MAP7: variants seen among roughly 807,000 people sequenced by gnomAD.
The protein encoded by MAP7 is ensconsin.
MAP7 carries 52 observed loss-of-function variants against 94.8 expected under a neutral mutation model. The observed-to-expected ratio is 0.55, with a 90% CI of 0.44 to 0.69. The LOEUF (loss-of-function observed/expected upper bound fraction) is 0.69. Ranked by LOEUF, MAP7 falls within the 30% of genes least tolerant of loss-of-function variation. The probability of loss-of-function intolerance (pLI) is 0.00; values close to 1 mark genes in which losing one functional copy is unlikely to be tolerated. For missense variants in MAP7, 940 were observed against 964.6 expected, an observed-to-expected ratio of 0.97 and a Z score of 0.34; for synonymous variants, 350 against 357.0, an observed-to-expected ratio of 0.98 and a Z score of 0.22.
intron 1 of MAP7, among the ~76,000 whole-genome samples, chr6:136,533,882 T>A (rs1261290886): frequency 6.6e-6 from 1 of 152,176 alleles, no homozygotes; most frequent in Admixed American, 6.5e-5. Flanking sequence ...GGATGTCATA[T>A]TTCAACATGA....
intron 1 of MAP7, among the ~76,000 whole-genome samples, chr6:136,450,076 C>G (rs936754010): frequency 1.4e-4 from 21 of 152,286 alleles, no homozygotes; most frequent in African/African-American, 5.1e-4. Context: ...GTAATCCCAG[C>G]TACTCAGAAG....
intron 17 of MAP7, among the ~76,000 whole-genome samples, chr6:136,344,636 C>T (rs1787189555): frequency 6.6e-6 from 1 of 152,164 alleles, no homozygotes; most frequent in South Asian, 2.1e-4. Flanking sequence ...AAATCTGTAA[C>T]ATGAGTAGGA....
At chr6:136,532,606 C>A (rs1828557257) in intron 1 of MAP7, among the ~76,000 whole-genome samples, 1 of 149,764 alleles carries the variant, frequency 6.7e-6, no homozygotes, top group Non-Finnish European at 1.5e-5. Context: ...TGGATTAATG[C>A]ACTGTTTACA....
chr6:136,525,213 A>G (rs997710892), intron 1 of MAP7, among the ~76,000 whole-genome samples: 1 of 152,186 alleles, frequency 6.6e-6, no homozygotes. Context: ...TGTGCATTTC[A>G]ACTGCCATAC....
chr6:136,482,453 T>C (rs1813147656), intron 1 of MAP7, among the ~76,000 whole-genome samples: 1 of 149,786 alleles, frequency 6.7e-6, no homozygotes, highest in African/African-American at 2.5e-5. Context: ...ACAAAAATAT[T>C]AGCTGGGTGT....
At chr6:136,374,517 C>G (rs969602017) in intron 7 of MAP7, among the ~76,000 whole-genome samples, 5 of 152,130 alleles carry the variant, frequency 3.3e-5, no homozygotes, top group Admixed American at 1.3e-4. Context: ...GAAAACAGCT[C>G]TGCTTGGAGG....
intron 3 of MAP7, among the ~76,000 whole-genome samples, chr6:136,396,668 C>G (rs1782586359): frequency 1.3e-5 from 2 of 152,262 alleles, no homozygotes; most frequent in South Asian, 4.1e-4. Flanking sequence ...GGAACTACTT[C>G]CTGATTCATT....
chr6:136,535,902 C>A (rs77726494), intron 1 of MAP7, among the ~76,000 whole-genome samples: 28,052 of 151,798 alleles, frequency 0.18, 3,112 homozygotes, highest in Middle Eastern at 0.3. Context: ...CCCGCTCCCC[C>A]CACCCCACGA....
intron 1 of MAP7, among the ~76,000 whole-genome samples, chr6:136,483,116 G>A (rs865997309): frequency 7.5e-6 from 1 of 133,982 alleles, no homozygotes; most frequent in Non-Finnish European, 1.6e-5. Flanking sequence ...TGAATAAAAA[G>A]TGAAGTATCT....
chr6:136,355,883 A>G (rs1187639983), intron 16 of MAP7, among the ~76,000 whole-genome samples: 1 of 152,224 alleles, frequency 6.6e-6, no homozygotes, highest in Non-Finnish European at 1.5e-5. Flanking sequence ...AAATGTTCAT[A>G]TGATGCTGTT....
At position 136,486,789 on chromosome 6, in the gene MAP7, A is replaced by G. The variant is rs137955941; in HGVS notation, c.67+63553T>C. ...AACCACCTAAGGCTATCCCAAAATC[A>G]ACTCTCTGTAATAGGAAGATATCTG... is the stretch of plus-strand genomic sequence containing the variant. On this transcript the variant is annotated intron_variant, in intron 1 of 17. Coordinates refer to ENST00000354570, the MANE Select transcript of MAP7 (RefSeq NM_003980.6). Among the ~76,000 whole-genome samples the G allele has an allele frequency of 3.1e-3, 477 of 152,354 alleles. 2 individuals are homozygous for G. The highest frequency in any genetic ancestry group is 0.011 in the African/African-American group (439 of 41,584).
chr6:136,370,038 G>A (rs972901411), intron 8 of MAP7, among the ~76,000 whole-genome samples: 2 of 151,982 alleles, frequency 1.3e-5, no homozygotes, highest in Non-Finnish European at 2.9e-5. Flanking sequence ...ATTTAATAAG[G>A]GGTTACTACT....
intron 1 of MAP7, among the ~76,000 whole-genome samples, chr6:136,475,426 A>G (rs1810550546): frequency 6.6e-6 from 1 of 152,238 alleles, no homozygotes; most frequent in South Asian, 2.1e-4. Context: ...ATTTTAATAC[A>G]AATTTTGCCA....
At position 136,362,473 on chromosome 6, in the gene MAP7, C is replaced by T. The variant is rs763919442; in HGVS notation, c.1503G>A (p.Arg501=). ...ACCTTTCAAGCTCTTCCTGCTCCCTCCTCTCCCTTTCTTCCTTTTCTCTCT... is the reference window on the plus strand; with the variant it reads ...ACCTTTCAAGCTCTTCCTGCTCCCTTCTCTCCCTTTCTTCCTTTTCTCTCT... ...REQREKEERE[R]REQEELERQK... Residue 501 remains arginine, a synonymous_variant, in exon 11 of 18, where the codon AGG becomes AGA. Transcript: ENST00000354570. 1.2e-6 allele frequency: 2 copies of T among 1,614,182 alleles called. No individual in the cohort carries two copies. Among genetic ancestry groups the T allele is most frequent in the Non-Finnish European group, 1.7e-6 (2 of 1,180,038 alleles).
At chr6:136,401,629 C>T (rs964250905) in intron 3 of MAP7, among the ~76,000 whole-genome samples, 1 of 151,838 alleles carries the variant, frequency 6.6e-6, no homozygotes, top group Non-Finnish European at 1.5e-5. Flanking sequence ...CTGGGCCTGT[C>T]GTGGGGTGGG....
At chr6:136,488,445 T>C (rs1351635912) in intron 1 of MAP7, among the ~76,000 whole-genome samples, 1 of 97,740 alleles carries the variant, frequency 1.0e-5, no homozygotes, top group African/African-American at 4.0e-5. Flanking sequence ...TGCTAGGTAC[T>C]TTTTTTTTTT....
intron 3 of MAP7, among the ~76,000 whole-genome samples, chr6:136,391,466 G>A (rs1780694821): frequency 6.7e-6 from 1 of 149,340 alleles, no homozygotes; most frequent in Non-Finnish European, 1.5e-5. Context: ...ACACATTAGT[G>A]GGTGCAGCGC....
intron 1 of MAP7, among the ~76,000 whole-genome samples, chr6:136,431,712 T>C (rs1794980817): frequency 6.6e-6 from 1 of 152,052 alleles, no homozygotes; most frequent in African/African-American, 2.4e-5. Flanking sequence ...GAGACGGGGT[T>C]TCACCATCTT....
At chr6:136,419,843 T>A in intron 2 of MAP7, 1 of 390,236 alleles carries the variant, frequency 2.6e-6, no homozygotes, top group East Asian at 5.1e-5. Context: ...AAGGGCTTTT[T>A]ACTTCAGTTT....
Sources: allele counts gnomAD v4.1 joint callset (sites outside exome capture counted in the v4.1 genomes callset), GRCh38; gene constraint gnomAD v4.1.1; transcripts MANE v1.5; gene names NCBI Gene and HGNC (gene_info 2026-07-23, HGNC 2026-07-21).